The following PHF21B variants were observed in gnomAD, a reference collection of about 807,000 sequenced individuals.
The protein encoded by PHF21B is PHD finger protein 4.
PHF21B carries 22 observed loss-of-function variants against 62.2 expected under a neutral mutation model. That is an observed-to-expected ratio of 0.35 (90% CI 0.25 to 0.51). The LOEUF (loss-of-function observed/expected upper bound fraction) is 0.51. PHF21B is among the 20% of genes least tolerant of loss of function. The pLI, the probability that PHF21B is intolerant of heterozygous loss-of-function variation, is 0.97. For synonymous variants in PHF21B, 341 were observed against 314.7 expected (o/e 1.08, Z -0.88); for missense variants, 701 against 707.9 (o/e 0.99, Z 0.11).
At position 44,998,854 on chromosome 22, in the gene PHF21B, C is replaced by T. The variant is rs541681177; in HGVS notation, c.120+9691G>A. Among the ~76,000 whole-genome samples, 18 of 152,298 alleles carry T rather than the reference C, an allele frequency of 1.2e-4. No homozygotes were observed. The South Asian group carries it at 3.1e-3, about 26-fold the overall frequency. On this transcript the variant is annotated intron_variant, in intron 2 of 12. Coordinates refer to ENST00000313237, the MANE Select transcript of PHF21B (RefSeq NM_138415.5). ...AATCACGCCCGGTGCGTACAATGCT[C>T]GCCCCATTCATCCCCGGGACATCAC...
At chr22:44,938,032 T>C (rs961818573) in intron 2 of PHF21B, among the ~76,000 whole-genome samples, 4 of 152,270 alleles carry the variant, frequency 2.6e-5, no homozygotes, top group African/African-American at 7.2e-5. Flanking sequence ...AATCAAAATC[T>C]GTGAATTTCA....
intron 10 of PHF21B, among the ~76,000 whole-genome samples, chr22:44,887,754 C>CAAA (rs59049105): frequency 0.035 from 2,514 of 72,196 alleles, 109 homozygotes; most frequent in African/African-American, 0.099. Context: ...GACTCTGTCT[C>CAAA]AAAAAAAAAA....
intron 2 of PHF21B, among the ~76,000 whole-genome samples, chr22:44,931,139 C>T (rs1478657685): frequency 2.0e-5 from 3 of 152,214 alleles, no homozygotes; most frequent in Non-Finnish European, 4.4e-5. Context: ...ACTGCAGCCT[C>T]GAATTCCTGG....
chr22:44,911,754 C>T (rs2071347153), intron 5 of PHF21B, among the ~76,000 whole-genome samples: 1 of 152,234 alleles, frequency 6.6e-6, no homozygotes, highest in South Asian at 2.1e-4. Flanking sequence ...GGGAAATGTG[C>T]AGTTGGAGCC....
rs750857615 is a variant in PHF21B, at chr22:44,896,054, C to G, written c.861G>C (p.Leu287=). Residue 287 remains leucine, a synonymous_variant, in exon 6 of 13, where the codon CTG becomes CTC. Transcript: ENST00000313237. ...EKIAFMVALG[L]VTTEHLEEIQ... is the part of the protein sequence containing the mutation. ...TACCTTCCAAATGTTCCGTGGTAACCAGGCCTAGCGCTACCATGAAGGCGA... is the reference window on the plus strand; with the variant it reads ...TACCTTCCAAATGTTCCGTGGTAACGAGGCCTAGCGCTACCATGAAGGCGA... 3 of 1,614,176 alleles carry G rather than the reference C, an allele frequency of 1.9e-6. No individual in the cohort carries two copies. The highest frequency in any genetic ancestry group is 2.5e-6 in the Non-Finnish European group (3 of 1,180,020).
chr22:44,931,515 C>A (rs975789034), intron 2 of PHF21B, among the ~76,000 whole-genome samples: 5 of 152,056 alleles, frequency 3.3e-5, no homozygotes, highest in Non-Finnish European at 2.9e-5. Context: ...TTAAAACACC[C>A]GTTCAGCGGC....
intron 2 of PHF21B, among the ~76,000 whole-genome samples, chr22:44,960,832 C>T (rs985259542): frequency 6.6e-6 from 1 of 152,110 alleles, no homozygotes; most frequent in African/African-American, 2.4e-5. Context: ...GATGCATCAG[C>T]CTTTCTCAGG....
At chr22:44,994,303 C>CCCA (rs1004406078) in intron 2 of PHF21B, among the ~76,000 whole-genome samples, 1 of 152,218 alleles carries the variant, frequency 6.6e-6, no homozygotes, top group Non-Finnish European at 1.5e-5. Context: ...AACCCTAAAT[C>CCCA]CCATGACTGG....
chr22:44,982,984 C>T (rs1168182978), intron 2 of PHF21B, among the ~76,000 whole-genome samples: 1 of 152,172 alleles, frequency 6.6e-6, no homozygotes, highest in African/African-American at 2.4e-5. Flanking sequence ...TGGCTCATGC[C>T]TGTAATCCCA....
intron 2 of PHF21B, among the ~76,000 whole-genome samples, chr22:44,939,276 T>C (rs2071909232): frequency 6.6e-6 from 1 of 152,130 alleles, no homozygotes; most frequent in African/African-American, 2.4e-5. Context: ...CTGGGGAGAC[T>C]CTGAAGCTCC....
chr22:44,895,905 G>A (rs776932837), intron 6 of PHF21B, 127 bp downstream of exon 6: 1 of 1,008,524 alleles, frequency 9.9e-7, no homozygotes, highest in South Asian at 1.3e-5. Context: ...GCAGCAGTGT[G>A]AGGCCACGCT....
chr22:44,890,029 G>GAT (rs1288408881), intron 8 of PHF21B, among the ~76,000 whole-genome samples: 3 of 102,070 alleles, frequency 2.9e-5, no homozygotes, highest in Non-Finnish European at 6.4e-5. Flanking sequence ...TGACACCTGG[G>GAT]CTCACCCCAG....
intron 2 of PHF21B, among the ~76,000 whole-genome samples, chr22:44,949,989 A>T (rs1013200595): frequency 1.3e-5 from 2 of 152,202 alleles, no homozygotes; most frequent in Admixed American, 6.5e-5. Flanking sequence ...TCCATGGATG[A>T]CACAGCGTGT....
intron 2 of PHF21B, among the ~76,000 whole-genome samples, chr22:44,924,096 A>G (rs1372335118): frequency 7.6e-4 from 62 of 81,248 alleles, no homozygotes; most frequent in African/African-American, 2.3e-3. Context: ...AGGAAGGAGG[A>G]GAGGAGGGAG....
At chr22:44,940,980 T>C (rs112985463) in intron 2 of PHF21B, among the ~76,000 whole-genome samples, 8 of 152,328 alleles carry the variant, frequency 5.3e-5, no homozygotes, top group Admixed American at 1.3e-4. Flanking sequence ...TTACAACTCA[T>C]TGCAATTTTT....
Position 44,907,437 on chromosome 22 carries a change from C to T in PHF21B, c.831+6385G>A, listed in dbSNP as rs115068742. Among the ~76,000 whole-genome samples the T allele has an allele frequency of 3.8e-3, 577 of 152,306 alleles. 2 individuals are homozygous for T. Among genetic ancestry groups the T allele is most frequent in the African/African-American group, 0.014 (564 of 41,566 alleles). On this transcript the variant is annotated intron_variant, in intron 5 of 12. Transcript: ENST00000313237. ...GTGTGCTTGTGTGGGGTGAACAGGC[C>T]AGCCGTGTTCAGCGTCCCGCACGTG... is the stretch of plus-strand genomic sequence containing the variant.
chr22:44,892,381 G>A (rs2147257341), intron 7 of PHF21B, among the ~76,000 whole-genome samples: 1 of 152,344 alleles, frequency 6.6e-6, no homozygotes, highest in East Asian at 1.9e-4. Context: ...ACGCCCCATG[G>A]TGGGCTCTCC....
chr22:44,920,908 A>G (rs190971852), intron 2 of PHF21B, among the ~76,000 whole-genome samples: 1 of 152,300 alleles, frequency 6.6e-6, no homozygotes, highest in Non-Finnish European at 1.5e-5. Flanking sequence ...ACAATCCTCT[A>G]CTCTTGGAAA....
At chr22:45,005,416 G>A (rs2073297136) in intron 2 of PHF21B, among the ~76,000 whole-genome samples, 2 of 152,076 alleles carry the variant, frequency 1.3e-5, no homozygotes, top group South Asian at 4.1e-4. Flanking sequence ...AAGGTCCTAT[G>A]TAAACTCACT....
Sources: allele counts gnomAD v4.1 joint callset (sites outside exome capture counted in the v4.1 genomes callset), GRCh38; gene constraint gnomAD v4.1.1; transcripts MANE v1.5; gene names NCBI Gene and HGNC (gene_info 2026-07-23, HGNC 2026-07-21).